The following CSGALNACT1 variants were observed in gnomAD, a reference collection of about 807,000 sequenced individuals.
The protein encoded by CSGALNACT1 is chondroitin sulfate N-acetylgalactosaminyltransferase 1, also known as beta4GalNAcT-1.
CSGALNACT1 carries 52 observed loss-of-function variants against 51.0 expected under a neutral mutation model. That is an observed-to-expected ratio of 1.02 (90% CI 0.82 to 1.29). The LOEUF is 1.29. Among genes scored for constraint, CSGALNACT1 ranks in the 50% most tolerant of loss-of-function variants. The pLI is 0.00. For synonymous variants in CSGALNACT1, 341 were observed against 254.4 expected (o/e 1.34, Z -3.24); for missense variants, 935 against 679.2 (o/e 1.38, Z -4.19).
intron 4 of CSGALNACT1, among the ~76,000 whole-genome samples, chr8:19,482,764 T>G (rs2071788021): frequency 6.6e-6 from 1 of 152,176 alleles, no homozygotes; most frequent in Admixed American, 6.5e-5. Context: ...CAGTTTAAAT[T>G]TGCATCAATA....
intron 6 of CSGALNACT1, among the ~76,000 whole-genome samples, chr8:19,435,902 A>G (rs1311256351): frequency 6.6e-6 from 1 of 152,158 alleles, no homozygotes; most frequent in Non-Finnish European, 1.5e-5. Context: ...ACGCACACAC[A>G]TTGAAATTAA....
At chr8:19,665,527 C>G (rs2059114462) in intron 1 of CSGALNACT1, among the ~76,000 whole-genome samples, 1 of 152,194 alleles carries the variant, frequency 6.6e-6, no homozygotes. Context: ...TATTCACAGC[C>G]TGTGTTGAAA....
intron 1 of CSGALNACT1, among the ~76,000 whole-genome samples, chr8:19,657,041 C>A (rs1438845098): frequency 1.4e-5 from 2 of 138,068 alleles, no homozygotes; most frequent in Non-Finnish European, 1.5e-5. Flanking sequence ...CCAGCCCAGG[C>A]AACAGAGTAA....
chr8:19,571,837 A>T (rs1242298657), intron 3 of CSGALNACT1, among the ~76,000 whole-genome samples: 1 of 152,208 alleles, frequency 6.6e-6, no homozygotes, highest in Non-Finnish European at 1.5e-5. Flanking sequence ...GCTGCCTGGA[A>T]AGCTAATGTA....
chr8:19,707,811 G>T (rs1350003204), intron 1 of CSGALNACT1, among the ~76,000 whole-genome samples: 2 of 152,132 alleles, frequency 1.3e-5, no homozygotes, highest in Non-Finnish European at 2.9e-5. Flanking sequence ...GATCAGCCTG[G>T]CCAAGATGGT....
chr8:19,575,828 T>C (rs980892414), intron 3 of CSGALNACT1, among the ~76,000 whole-genome samples: 5 of 152,186 alleles, frequency 3.3e-5, no homozygotes, highest in Admixed American at 2.6e-4. Flanking sequence ...TGAAGTAAGA[T>C]TGGAAAAATG....
chr8:19,467,258 T>G (rs1374507857), intron 4 of CSGALNACT1, among the ~76,000 whole-genome samples: 1 of 151,878 alleles, frequency 6.6e-6, no homozygotes, highest in African/African-American at 2.4e-5. Context: ...TAGCTGGGAC[T>G]ACAGGAGCCC....
At chr8:19,581,543 G>T (rs761756790) in intron 3 of CSGALNACT1, among the ~76,000 whole-genome samples, 2 of 152,120 alleles carry the variant, frequency 1.3e-5, no homozygotes, top group African/African-American at 4.8e-5. Context: ...GGAGTCGGAG[G>T]TTGCAGTGAG....
chr8:19,728,591 A>G (rs535798190), intron 1 of CSGALNACT1, among the ~76,000 whole-genome samples: 1 of 152,162 alleles, frequency 6.6e-6, no homozygotes, highest in South Asian at 2.1e-4. Flanking sequence ...ACACACGCAC[A>G]CACACTCTCA....
chr8:19,642,597 G>T (rs998616011), intron 1 of CSGALNACT1, among the ~76,000 whole-genome samples: 11 of 151,916 alleles, frequency 7.2e-5, no homozygotes, highest in African/African-American at 2.7e-4. Flanking sequence ...AAGGTGAAAT[G>T]CCTTCTCTAC....
intron 3 of CSGALNACT1, among the ~76,000 whole-genome samples, chr8:19,545,990 A>C (rs2086379628): frequency 6.6e-6 from 1 of 151,884 alleles, no homozygotes; most frequent in Non-Finnish European, 1.5e-5. Context: ...ATAGTGTGTG[A>C]TTCCTCCACA....
chr8:19,419,299 G>A (rs1034799455), intron 7 of CSGALNACT1, among the ~76,000 whole-genome samples: 1 of 152,212 alleles, frequency 6.6e-6, no homozygotes, highest in Non-Finnish European at 1.5e-5. Context: ...CAAGCACTGG[G>A]CATCACGCCT....
At chr8:19,655,460 A>T (rs1240160700) in intron 1 of CSGALNACT1, among the ~76,000 whole-genome samples, 1 of 152,058 alleles carries the variant, frequency 6.6e-6, no homozygotes, top group African/African-American at 2.4e-5. Flanking sequence ...TCCTTGGCTC[A>T]ATCAATCCTC....
At chr8:19,430,664 G>T (rs763754955) in intron 6 of CSGALNACT1, among the ~76,000 whole-genome samples, 2 of 152,150 alleles carry the variant, frequency 1.3e-5, no homozygotes, top group Non-Finnish European at 2.9e-5. Flanking sequence ...TGTTAAGATT[G>T]TTCTGGCTAT....
At chr8:19,413,111 C>T (rs541138033) in intron 8 of CSGALNACT1, among the ~76,000 whole-genome samples, 1 of 152,316 alleles carries the variant, frequency 6.6e-6, no homozygotes, top group Non-Finnish European at 1.5e-5. Context: ...TGTATTTGCA[C>T]TTATTCACAA....
chr8:19,696,690 T>C (rs184022522), intron 1 of CSGALNACT1, among the ~76,000 whole-genome samples: 4 of 152,226 alleles, frequency 2.6e-5, no homozygotes, highest in African/African-American at 9.6e-5. Flanking sequence ...ATGAGAGGGA[T>C]AGTAATGGTG....
At chr8:19,688,473 T>C (rs2061103024) in intron 1 of CSGALNACT1, among the ~76,000 whole-genome samples, 1 of 152,154 alleles carries the variant, frequency 6.6e-6, no homozygotes, top group Admixed American at 6.5e-5. Flanking sequence ...AAAGGTGGAA[T>C]TCCTTTGTTC....
Position 19,430,540 on chromosome 8 carries a change from C to T in CSGALNACT1, c.953+9290G>A, listed in dbSNP as rs142863830. The stretch of plus-strand genomic sequence containing the variant: ...GACCATAAATGTATAGGTTTATTTC[C>T]GAACTCTGCTTTCCATCCATTGATC... On this transcript the variant is annotated intron_variant, in intron 6 of 9. Transcript: ENST00000454498. Among the ~76,000 whole-genome samples the T allele has an allele frequency of 5.3e-5, 8 of 152,202 alleles. No individual in the cohort carries two copies. The East Asian group carries it at 7.7e-4, about 15-fold the overall frequency.
At position 19,597,125 on chromosome 8, in the gene CSGALNACT1, A is replaced by C. The variant is rs187805614; in HGVS notation, c.-416+4646T>G. ...CATACTGCGACTGGCTAATTTCACAAAGCATCATGTCTCAAACTGCATCCA... is the reference window on the plus strand; with the variant it reads ...CATACTGCGACTGGCTAATTTCACACAGCATCATGTCTCAAACTGCATCCA... On this transcript the variant is annotated intron_variant, in intron 2 of 9. Transcript: ENST00000454498. Among the ~76,000 whole-genome samples the C allele has an allele frequency of 5.9e-5, 9 of 152,254 alleles. No homozygotes were observed. In the East Asian group the frequency reaches 1.7e-3, roughly 29 times the overall value.
Sources: allele counts gnomAD v4.1 joint callset (sites outside exome capture counted in the v4.1 genomes callset), GRCh38; gene constraint gnomAD v4.1.1; transcripts MANE v1.5; gene names NCBI Gene and HGNC (gene_info 2026-07-23, HGNC 2026-07-21).